Variants in AGMO observed in about 807,000 individuals in gnomAD.
AGMO encodes the protein glyceryl-ether monooxygenase.
Under a neutral mutation model 60.2 loss-of-function variants are expected in AGMO, and 75 were observed. That is an observed-to-expected ratio of 1.25 (90% CI 1.03 to 1.51). The LOEUF is 1.51. AGMO is among the 40% of genes most tolerant of loss of function. AGMO has a pLI of 0.00. For missense variants in AGMO, 763 were observed against 525.5 expected (o/e 1.45, Z -4.42); for synonymous variants, 261 against 177.1 (o/e 1.47, Z -3.76).
the AGMO span, among the ~76,000 whole-genome samples, chr7:15,192,621 G>A: frequency 7.9e-5 from 12 of 152,082 alleles, no homozygotes; most frequent in Non-Finnish European, 1.0e-4. Flanking sequence ...GGTGTAAAAA[G>A]CTGTCACCCT....
intron 12 of AGMO, among the ~76,000 whole-genome samples, chr7:15,350,356 A>C (rs1190710482): frequency 6.6e-6 from 1 of 152,174 alleles, no homozygotes; most frequent in East Asian, 1.9e-4. Context: ...AAATTGTATA[A>C]AAAATCCACA....
intron 3 of AGMO, among the ~76,000 whole-genome samples, chr7:15,474,263 A>G (rs1220861309): frequency 1.3e-5 from 2 of 152,176 alleles, no homozygotes; most frequent in East Asian, 1.9e-4. Context: ...AGCAAAAACA[A>G]CAAAGCTGGA....
At chr7:15,239,863 T>C (rs10263318) in intron 12 of AGMO, among the ~76,000 whole-genome samples, 32,237 of 152,076 alleles carry the variant, frequency 0.21, 3,646 homozygotes, top group South Asian at 0.32. Context: ...TTTTCAGCCT[T>C]AAATGCAGAC....
intron 12 of AGMO, among the ~76,000 whole-genome samples, chr7:15,312,573 A>G (rs1780799066): frequency 6.6e-6 from 1 of 151,888 alleles, no homozygotes; most frequent in African/African-American, 2.4e-5. Flanking sequence ...GGGGAGGGAC[A>G]GGGCTGTGGT....
chr7:15,155,918 AC>A, the AGMO span, among the ~76,000 whole-genome samples: 1 of 152,168 alleles, frequency 6.6e-6, no homozygotes, highest in Non-Finnish European at 1.5e-5. Context: ...TCAGCCCAGC[AC>A]TCCTGAGCTA....
At chr7:15,435,655 C>T (rs969275127) in intron 3 of AGMO, among the ~76,000 whole-genome samples, 1 of 151,996 alleles carries the variant, frequency 6.6e-6, no homozygotes, top group Non-Finnish European at 1.5e-5. Context: ...TTCTTCCAGG[C>T]CATAGCCTTT....
chr7:15,524,975 A>G (rs1784086007), intron 3 of AGMO, among the ~76,000 whole-genome samples: 1 of 152,148 alleles, frequency 6.6e-6, no homozygotes, highest in Admixed American at 6.6e-5. Flanking sequence ...GGTGGAAACT[A>G]AAAATAAATC....
chr7:15,248,834 G>C (rs1782846405), intron 12 of AGMO, among the ~76,000 whole-genome samples: 1 of 152,196 alleles, frequency 6.6e-6, no homozygotes, highest in African/African-American at 2.4e-5. Context: ...CTTAAAGTGA[G>C]GAGGCAATCT....
chr7:15,394,575 C>G (rs76336453), intron 5 of AGMO, among the ~76,000 whole-genome samples: 3,378 of 152,218 alleles, frequency 0.022, 124 homozygotes, highest in African/African-American at 0.078. Flanking sequence ...CTGTATTACA[C>G]ACCACTATCA....
chr7:15,174,621 T>C, the AGMO span, among the ~76,000 whole-genome samples: 1 of 152,082 alleles, frequency 6.6e-6, no homozygotes, highest in East Asian at 1.9e-4. Flanking sequence ...TAGAAATGCA[T>C]GAGAGGTCAT....
At chr7:15,421,172 G>A (rs973710414) in intron 4 of AGMO, among the ~76,000 whole-genome samples, 2 of 152,072 alleles carry the variant, frequency 1.3e-5, no homozygotes, top group Non-Finnish European at 2.9e-5. Flanking sequence ...AATCAGGTTG[G>A]ACCATGGGAT....
chr7:15,539,200 C>T (rs1476219052), intron 3 of AGMO, among the ~76,000 whole-genome samples: 1 of 151,868 alleles, frequency 6.6e-6, no homozygotes, highest in Non-Finnish European at 1.5e-5. Context: ...TCTATGTAAA[C>T]AGTGTGTCAT....
chr7:15,506,246 A>T (rs1315764039), intron 3 of AGMO, among the ~76,000 whole-genome samples: 1 of 150,666 alleles, frequency 6.6e-6, no homozygotes, highest in Non-Finnish European at 1.5e-5. Context: ...AATGTAAATG[A>T]TATGCATTAT....
At chr7:15,238,313 G>A (rs969015157) in intron 12 of AGMO, among the ~76,000 whole-genome samples, 2 of 151,940 alleles carry the variant, frequency 1.3e-5, no homozygotes, top group South Asian at 2.1e-4. Flanking sequence ...CAAAAATACA[G>A]TTAAACAGAA....
At chr7:15,437,521 A>C (rs1781432757) in intron 3 of AGMO, among the ~76,000 whole-genome samples, 1 of 145,374 alleles carries the variant, frequency 6.9e-6, no homozygotes, top group Admixed American at 7.1e-5. Flanking sequence ...AGGAGCAACC[A>C]AATTTTTTCC....
At chr7:15,222,136 T>A (rs1357565383) in intron 12 of AGMO, among the ~76,000 whole-genome samples, 1 of 152,146 alleles carries the variant, frequency 6.6e-6, no homozygotes, top group Non-Finnish European at 1.5e-5. Flanking sequence ...AACTTGCTAC[T>A]TTTTAGTCAC....
chr7:15,128,029 T>TATACAACC, the AGMO span, among the ~76,000 whole-genome samples: 2 of 152,240 alleles, frequency 1.3e-5, no homozygotes, highest in East Asian at 3.9e-4. Flanking sequence ...GTAGTTTGGA[T>TATACAACC]ATACAACCAC....
At chr7:15,314,409 C>A (rs1780853887) in intron 12 of AGMO, among the ~76,000 whole-genome samples, 1 of 151,908 alleles carries the variant, frequency 6.6e-6, no homozygotes, top group Non-Finnish European at 1.5e-5. Context: ...ACAAAAAATC[C>A]TTGGTATATA....
Position 15,354,133 on chromosome 7 carries a change from G to A in AGMO, c.1263+11381C>T, listed in dbSNP as rs903039381. Among the ~76,000 whole-genome samples, 4 of 151,646 alleles carry A rather than the reference G, an allele frequency of 2.6e-5. No individual in the cohort carries two copies. The South Asian group carries it at 6.2e-4, about 24-fold the overall frequency. ...CATTTTTAGAAGGAATACAGGAAGA[G>A]GACAATGTTTTTTTAAAGGAGACCA... On this transcript the variant is annotated intron_variant, in intron 12 of 12. Coordinates refer to ENST00000342526, the MANE Select transcript of AGMO (RefSeq NM_001004320.2).
Sources: gnomAD v4.1 joint callset for allele counts (sites outside exome capture counted in the v4.1 genomes callset) on GRCh38, gnomAD v4.1.1 for gene constraint, MANE v1.5 for transcripts, NCBI Gene and HGNC (gene_info 2026-07-23, HGNC 2026-07-21) for gene names.